The following PCDHGA10 variants were observed in gnomAD, a reference collection of about 807,000 sequenced individuals.
PCDHGA10 encodes the protein protocadherin gamma subfamily A, 10, also known as protocadherin gamma-A10.
A neutral mutation model predicts 59.5 loss-of-function variants in PCDHGA10; 42 were observed. The observed-to-expected ratio is 0.71, with a 90% CI of 0.55 to 0.91. The LOEUF (loss-of-function observed/expected upper bound fraction) is 0.91, where lower values mean the gene tolerates loss of function less well. Among genes scored for constraint, PCDHGA10 ranks in the 40% least tolerant of loss-of-function variants. The probability of loss-of-function intolerance (pLI) is 0.00; values close to 1 mark genes in which losing one functional copy is unlikely to be tolerated. For missense variants in PCDHGA10, 1,111 were observed against 1,198.2 expected (o/e 0.93, Z 1.07); for synonymous variants, 511 against 517.2 (o/e 0.99, Z 0.16).
At chr5:141,450,786 C>A (rs1468388706) in intron 1 of PCDHGA10, among the ~76,000 whole-genome samples, 1 of 151,020 alleles carries the variant, frequency 6.6e-6, no homozygotes, top group Admixed American at 6.6e-5. Flanking sequence ...CGTGCCCGGA[C>A]CTCATGATTG....
chr5:141,455,401 A>G (rs1252870027), intron 1 of PCDHGA10, among the ~76,000 whole-genome samples: 1 of 152,158 alleles, frequency 6.6e-6, no homozygotes, highest in Non-Finnish European at 1.5e-5. Context: ...TCCCCCTTAC[A>G]GAGACAGAGG....
rs762908598 is a variant in PCDHGA10 at position 141,491,157 on chromosome 5, T to A, written c.2437-3650T>A. The A allele has an allele frequency of 3.7e-6, 6 of 1,614,108 alleles. No homozygotes were observed. The Admixed American group carries it at 8.3e-5, about 22-fold the overall frequency. On this transcript the variant is annotated intron_variant, in intron 1 of 3. Transcript: ENST00000398610. The surrounding 1 kb of genome is among the most constrained non-coding windows in gnomAD (Gnocchi z 6.9). ...CCCGGGCCTTACTGGAGGATGACTC[T>A]GACACCCAGCAGGTGGTGGTCCTGG...
intron 1 of PCDHGA10, chr5:141,418,454 A>G (rs1211470387): frequency 3.1e-6 from 5 of 1,613,774 alleles, no homozygotes; most frequent in Non-Finnish European, 3.4e-6. Flanking sequence ...ATTGCAGAAG[A>G]CTCTGGACCG....
chr5:141,478,244 T>C lies in PCDHGA10; in HGVS notation c.2437-16563T>C, dbSNP rs758993366. ...TTCTGTGGGGTTTGTGGTCACAGTG[T>C]TCGGAGTAATCATATTCAAAGTTTA... On this transcript the variant is annotated intron_variant, in intron 1 of 3. Coordinates refer to ENST00000398610, the MANE Select transcript of PCDHGA10 (RefSeq NM_018913.3). 5 of 1,614,132 alleles carry C rather than the reference T, an allele frequency of 3.1e-6. No individual in the cohort carries two copies. In the South Asian group the frequency reaches 4.4e-5, roughly 14 times the overall value.
In PCDHGA10 at chr5:141,490,925, C is replaced by T; in HGVS notation, c.2437-3882C>T. 1 of 1,613,688 alleles carries T rather than the reference C, an allele frequency of 6.2e-7. No homozygotes were observed. The highest frequency in any genetic ancestry group is 8.5e-7 in the Non-Finnish European group (1 of 1,179,700). On this transcript the variant is annotated intron_variant, in intron 1 of 3. Coordinates refer to ENST00000398610, the MANE Select transcript of PCDHGA10 (RefSeq NM_018913.3). The surrounding 1 kb of genome is among the most constrained non-coding windows in gnomAD (Gnocchi z 5.4). ...GTCCTAGACGAGAATGATAATGCCC[C>T]AGCTGTGCTGCACCCACGGCCAGAC... is the stretch of plus-strand genomic sequence containing the variant.
chr5:141,467,923 T>C lies in PCDHGA10; in HGVS notation c.2437-26884T>C, dbSNP rs190816380. Among the ~76,000 whole-genome samples the C allele has an allele frequency of 3.9e-3, 588 of 151,590 alleles. 5 individuals carry two copies. Among genetic ancestry groups the C allele is most frequent in the Admixed American group, 0.011 (168 of 15,214 alleles). ...ATCCGCCCACCTCAGCCTCCCAAAA[T>C]GCTAGGATTACAAGCATGAGCCACC... On this transcript the variant is annotated intron_variant, in intron 1 of 3. Coordinates refer to ENST00000398610, the MANE Select transcript of PCDHGA10 (RefSeq NM_018913.3).
In PCDHGA10 at chr5:141,487,568, C is replaced by T. The variant is rs752378906; in HGVS notation, c.2437-7239C>T. Reference sequence around the variant, plus strand: ...ACCCAGTGCACCTATGGCAGGGGAGCCTGTTCGCCCAAGCTGCCCACCCTC... The same window carrying T: ...ACCCAGTGCACCTATGGCAGGGGAGTCTGTTCGCCCAAGCTGCCCACCCTC... On this transcript the variant is annotated intron_variant, in intron 1 of 3. Transcript: ENST00000398610. This position sits in a 1 kb window ranked among gnomAD's most constrained non-coding sequence, Gnocchi z 5.0. The T allele has an allele frequency of 1.2e-6, 2 of 1,614,180 alleles. No individual in the cohort carries two copies. The highest frequency in any genetic ancestry group is 1.7e-6 in the Non-Finnish European group (2 of 1,180,042).
intron 1 of PCDHGA10, chr5:141,430,848 A>G (rs780445178): frequency 1.3e-6 from 2 of 1,581,028 alleles, no homozygotes; most frequent in Admixed American, 1.8e-5. Flanking sequence ...GGATGCACCC[A>G]GATACGCTAT....
chr5:141,506,742 A>G (rs1475692668), intron 3 of PCDHGA10, among the ~76,000 whole-genome samples: 5 of 152,172 alleles, frequency 3.3e-5, no homozygotes, highest in Non-Finnish European at 7.3e-5. Context: ...AATGCCTATT[A>G]ATAAAGACTA....
At position 141,455,318 on chromosome 5, in the gene PCDHGA10, G is replaced by A. The variant is rs534507768; in HGVS notation, c.2437-39489G>A. On this transcript the variant is annotated intron_variant, in intron 1 of 3. Transcript: ENST00000398610. ...TTTCATCTTGCATTAGCAATTTTGT[G>A]TGTGTGTTTGTGGTTTTAAGGAGCG... is the stretch of plus-strand genomic sequence containing the variant. Among the ~76,000 whole-genome samples the A allele has an allele frequency of 2.4e-4, 37 of 152,186 alleles. No individual in the cohort carries two copies. The South Asian group carries it at 5.6e-3, about 23-fold the overall frequency.
At position 141,460,518 on chromosome 5, in the gene PCDHGA10, C is replaced by T. The variant is rs190277142; in HGVS notation, c.2437-34289C>T. ...AAATATGCTGAGAAGGCTATCTTTT[C>T]CCCACCAAATAATCTTAGCACCTTA... On this transcript the variant is annotated intron_variant, in intron 1 of 3. Coordinates refer to ENST00000398610, the MANE Select transcript of PCDHGA10 (RefSeq NM_018913.3). Among the ~76,000 whole-genome samples, 53 of 152,196 alleles carry T rather than the reference C, an allele frequency of 3.5e-4. 1 individual carries two copies. Among genetic ancestry groups the T allele is most frequent in the African/African-American group, 1.2e-3 (50 of 41,522 alleles).
In PCDHGA10 at chr5:141,414,828, G is replaced by T. The variant is rs780047810; in HGVS notation, c.1653G>T (p.Ser551=). 6.2e-7 allele frequency: 1 copy of T among 1,614,210 alleles called. No individual in the cohort carries two copies. Among genetic ancestry groups the T allele is most frequent in the East Asian group, 2.2e-5 (1 of 44,876 alleles). The part of the protein sequence containing the change: ...SGDPPLSSNV[S]LSLFVLDQND... Reference sequence around the variant, plus strand: ...ATCCTCCACTCAGCAGCAACGTGTCGTTGAGCCTGTTTGTGCTGGACCAGA... The same window carrying T: ...ATCCTCCACTCAGCAGCAACGTGTCTTTGAGCCTGTTTGTGCTGGACCAGA... Residue 551 remains serine (S), a synonymous_variant, in exon 1 of 4, where the codon TCG becomes TCT. Coordinates refer to ENST00000398610, the MANE Select transcript of PCDHGA10 (RefSeq NM_018913.3).
intron 1 of PCDHGA10, among the ~76,000 whole-genome samples, chr5:141,494,447 G>C (rs1413012155): frequency 6.6e-6 from 1 of 152,118 alleles, no homozygotes. Context: ...GCCACTTTAG[G>C]GGGCTTTGTC....
chr5:141,417,766 C>T (rs564920153), intron 1 of PCDHGA10: 7 of 1,442,472 alleles, frequency 4.9e-6, no homozygotes, highest in African/African-American at 4.3e-5. Context: ...AGACCCGGGA[C>T]TCCTCCTGTC....
chr5:141,487,006 G>A lies in PCDHGA10; in HGVS notation c.2437-7801G>A. ...ATGCTTGGGTTTCCTATCAGCTCCT[G>A]GAGGCCCCAGATCCCAGCCTGTTTG... On this transcript the variant is annotated intron_variant, in intron 1 of 3. Transcript: ENST00000398610. This position sits in a 1 kb window ranked among gnomAD's most constrained non-coding sequence, Gnocchi z 5.0. 1 of 1,614,206 alleles carries A rather than the reference G, an allele frequency of 6.2e-7. No homozygotes were observed. The highest frequency in any genetic ancestry group is 8.5e-7 in the Non-Finnish European group (1 of 1,180,042).
Position 141,432,298 on chromosome 5 carries a change from A to T in PCDHGA10, c.2436+16687A>T. Reference sequence around the variant, plus strand: ...TGTCCATCAACTCCGACACTGGGGTACTGTATGCGCTGAGCTCCTTCGACT... The same window carrying T: ...TGTCCATCAACTCCGACACTGGGGTTCTGTATGCGCTGAGCTCCTTCGACT... On this transcript the variant is annotated intron_variant, in intron 1 of 3. Transcript: ENST00000398610. The surrounding 1 kb of genome is among the most constrained non-coding windows in gnomAD (Gnocchi z 6.0). The T allele has an allele frequency of 6.2e-7, 1 of 1,614,236 alleles. No homozygotes were observed. Among genetic ancestry groups the T allele is most frequent in the Non-Finnish European group, 8.5e-7 (1 of 1,180,036 alleles).
At chr5:141,495,020 C>G in intron 2 of PCDHGA10, 155 bp downstream of exon 2, 1 of 976,790 alleles carries the variant, frequency 1.0e-6, no homozygotes, top group Non-Finnish European at 1.2e-6. Context: ...GGCTGGCACA[C>G]AGACCCCGGA....
At chr5:141,437,650 A>G in intron 1 of PCDHGA10, among the ~76,000 whole-genome samples, 1 of 152,314 alleles carries the variant, frequency 6.6e-6, no homozygotes, top group Non-Finnish European at 1.5e-5. Context: ...AAAAGCAAAC[A>G]CATAGTTTCG....
rs757755103 is a variant in PCDHGA10 at position 141,432,638 on chromosome 5, C to A, written c.2436+17027C>A. On this transcript the variant is annotated intron_variant, in intron 1 of 3. Coordinates refer to ENST00000398610, the MANE Select transcript of PCDHGA10 (RefSeq NM_018913.3). The surrounding 1 kb of genome is among the most constrained non-coding windows in gnomAD (Gnocchi z 6.0). ...GGTGGGTCTGCACACGGGCGAGGTG[C>A]GCACGGCGCGAGCCCTGCTGGACAG... The A allele has an allele frequency of 6.2e-6, 10 of 1,613,810 alleles. No homozygotes were observed. Among genetic ancestry groups the A allele is most frequent in the African/African-American group, 1.3e-5 (1 of 75,064 alleles).
Sources: gnomAD v4.1 joint callset for allele counts (sites outside exome capture counted in the v4.1 genomes callset) on GRCh38, gnomAD v4.1.1 for gene constraint, Gnocchi (gnomAD v3.1) non-coding constraint, MANE v1.5 for transcripts, NCBI Gene and HGNC (gene_info 2026-07-23, HGNC 2026-07-21) for gene names.